Variants in MAMLD1 observed in about 807,000 individuals in gnomAD.
MAMLD1 encodes mastermind-like domain-containing protein 1.
Under a neutral mutation model 45.0 loss-of-function variants are expected in MAMLD1, and 14 were observed. That is an observed-to-expected ratio of 0.31 (90% CI 0.21 to 0.49). MAMLD1 has a LOEUF of 0.49. Ranked by LOEUF, MAMLD1 falls within the 20% of genes least tolerant of loss-of-function variation. MAMLD1 has a pLI of 0.99. For synonymous variants in MAMLD1, 254 were observed against 247.8 expected (o/e 1.02, Z -0.24); for missense variants, 543 against 603.6 (o/e 0.90, Z 1.05).
chrX:150,412,456 A>T (rs2124536569), intron 1 of MAMLD1, among the ~76,000 whole-genome samples: 1 of 110,459 alleles, frequency 9.1e-6, no homozygotes, highest in East Asian at 2.9e-4. Context: ...TGGACTCTAC[A>T]TCTTAGCTGG....
chrX:150,412,715 T>C (rs1158892938), intron 1 of MAMLD1, among the ~76,000 whole-genome samples: 1 of 109,382 alleles, frequency 9.1e-6, no homozygotes, highest in Non-Finnish European at 1.9e-5. Context: ...GTTTTTTTGT[T>C]TGTTTGTTTT....
intron 5 of MAMLD1, among the ~76,000 whole-genome samples, chrX:150,494,880 G>A (rs1353667409): frequency 1.0e-5 from 1 of 96,003 alleles, no homozygotes; most frequent in Non-Finnish European, 2.1e-5. Flanking sequence ...GTGATACCCT[G>A]CCTCAATACA....
chrX:150,468,978 AGTGTGTGTGT>A (rs67617988), intron 3 of MAMLD1, among the ~76,000 whole-genome samples: 9 of 100,691 alleles, frequency 8.9e-5, no homozygotes, highest in Non-Finnish European at 1.4e-4. Context: ...AATGTGTGAG[AGTGTGTGTGT>A]GTGTGTGTGT....
intron 1 of MAMLD1, among the ~76,000 whole-genome samples, chrX:150,443,441 G>T: frequency 9.7e-6 from 1 of 103,008 alleles, no homozygotes. Context: ...AAGTTTTAGG[G>T]TACATGTGCA....
At chrX:150,428,778 C>A (rs1483923230) in intron 1 of MAMLD1, among the ~76,000 whole-genome samples, 1 of 111,423 alleles carries the variant, frequency 9.0e-6, no homozygotes, top group East Asian at 2.8e-4. Flanking sequence ...TCCATTGGCC[C>A]TGCTTCCTGG....
At chrX:150,438,169 G>T (rs2035182481) in intron 1 of MAMLD1, among the ~76,000 whole-genome samples, 1 of 111,887 alleles carries the variant, frequency 8.9e-6, no homozygotes, top group Admixed American at 9.5e-5. Flanking sequence ...TGCAAGTTTT[G>T]TGTCAACACA....
At chrX:150,454,331 C>A (rs1186255659) in intron 2 of MAMLD1, among the ~76,000 whole-genome samples, 3 of 112,377 alleles carry the variant, frequency 2.7e-5, no homozygotes, top group Admixed American at 1.9e-4. Context: ...CATCTGCTTT[C>A]TGAATATATG....
chrX:150,429,937 G>A (rs782010838), intron 1 of MAMLD1, among the ~76,000 whole-genome samples: 4 of 108,574 alleles, frequency 3.7e-5, no homozygotes, highest in African/African-American at 1.3e-4. Flanking sequence ...GTGTTTACTT[G>A]CCATCTGTAT....
In MAMLD1 at chrX:150,448,746, T is replaced by C. The variant is rs1297624818; in HGVS notation, c.96+3134T>C. Among the ~76,000 whole-genome samples the C allele has an allele frequency of 5.4e-5, 6 of 112,041 alleles. No homozygotes were observed. In the Admixed American group the frequency reaches 5.7e-4, roughly 11 times the overall value. On this transcript the variant is annotated intron_variant, in intron 2 of 7. Coordinates refer to ENST00000370401, the MANE Select transcript of MAMLD1 (RefSeq NM_005491.5). ...GATCACGATTCTTTCCCTAGATCCC[T>C]AGATCAGTAGGTCAAAGGATTGCTA...
intron 1 of MAMLD1, among the ~76,000 whole-genome samples, chrX:150,444,568 G>A (rs1557404706): frequency 9.0e-6 from 1 of 111,568 alleles, no homozygotes; most frequent in African/African-American, 3.3e-5. Context: ...ATAATGCCCA[G>A]AGGTTTTAGT....
chrX:150,422,280 T>C (rs890893004), intron 1 of MAMLD1, among the ~76,000 whole-genome samples: 2 of 112,653 alleles, frequency 1.8e-5, no homozygotes, highest in Non-Finnish European at 3.8e-5. Context: ...AAGTCCGGTC[T>C]GCTGGGCTCA....
At chrX:150,481,699 C>T (rs996697972) in intron 5 of MAMLD1, among the ~76,000 whole-genome samples, 1 of 107,954 alleles carries the variant, frequency 9.3e-6, no homozygotes, top group East Asian at 2.9e-4. Context: ...GGCATGGTGG[C>T]GTTGCCTGCA....
intron 1 of MAMLD1, among the ~76,000 whole-genome samples, chrX:150,444,360 A>G (rs1413007334): frequency 9.0e-6 from 1 of 111,681 alleles, no homozygotes; most frequent in Non-Finnish European, 1.9e-5. Context: ...TAGAAAGAGC[A>G]GGCTTTTGTT....
Position 150,470,955 on chromosome X carries a change from A to G in MAMLD1, c.1382A>G (p.Glu461Gly). The change falls in exon 4 of 8, where the codon GAG becomes GGG. Residue 461 changes from glutamate (E) to glycine (G), a missense_variant. Transcript: ENST00000370401. The stretch of plus-strand genomic sequence containing the variant: ...GGGCCGTCCCCACCCTATCGCCCAG[A>G]GAAGCTCTCTAGCCCAGGCTTGCCA... ...NPGPSPPYRP[E>G]KLSSPGLPQQ... 2 of 1,212,069 alleles carry G rather than the reference A, an allele frequency of 1.7e-6. No homozygotes were observed. Among genetic ancestry groups the G allele is most frequent in the Non-Finnish European group, 2.2e-6 (2 of 895,605 alleles).
intron 5 of MAMLD1, among the ~76,000 whole-genome samples, chrX:150,478,957 A>T (rs1246965906): frequency 8.9e-6 from 1 of 112,096 alleles, no homozygotes; most frequent in East Asian, 2.8e-4. Flanking sequence ...CAGTGTTGAA[A>T]ATGTTTTGTT....
intron 1 of MAMLD1, among the ~76,000 whole-genome samples, chrX:150,386,726 G>A (rs1189688685): frequency 3.6e-5 from 4 of 111,008 alleles, no homozygotes; most frequent in Admixed American, 1.9e-4. Flanking sequence ...GCCTTTGCCC[G>A]AAATTGCAAA....
At chrX:150,423,668 G>A (rs1308597053) in intron 1 of MAMLD1, among the ~76,000 whole-genome samples, 1 of 110,300 alleles carries the variant, frequency 9.1e-6, no homozygotes, top group Non-Finnish European at 1.9e-5. Context: ...GGTATGTTGT[G>A]TCCCTGCAAT....
chrX:150,416,186 C>A (rs905463714), intron 1 of MAMLD1, among the ~76,000 whole-genome samples: 4 of 111,386 alleles, frequency 3.6e-5, no homozygotes, highest in African/African-American at 1.3e-4. Context: ...GTCTTGTTCA[C>A]CCTGATATGA....
intron 5 of MAMLD1, among the ~76,000 whole-genome samples, chrX:150,495,243 C>T (rs964546434): frequency 3.2e-5 from 3 of 93,707 alleles, no homozygotes; most frequent in Non-Finnish European, 7.0e-5. Flanking sequence ...ACAACAGCAA[C>T]AGCAAAAAAC....
Sources: gnomAD v4.1 joint callset for allele counts (sites outside exome capture counted in the v4.1 genomes callset) on GRCh38, gnomAD v4.1.1 for gene constraint, MANE v1.5 for transcripts, NCBI Gene and HGNC (gene_info 2026-07-23, HGNC 2026-07-21) for gene names.